The following TRDN variants were observed in gnomAD, a reference collection of about 807,000 sequenced individuals.
TRDN encodes the protein triadin, also known as triadin in skeletal muscle.
TRDN carries 161 observed loss-of-function variants against 149.7 expected under a neutral mutation model. That is an observed-to-expected ratio of 1.08 (90% CI 0.95 to 1.23). The LOEUF is 1.23. Ranked by LOEUF, TRDN falls within the 50% of genes most tolerant of loss-of-function variation. The pLI is 0.00. For synonymous variants in TRDN, 294 were observed against 250.5 expected (o/e 1.17, Z -1.64); for missense variants, 896 against 823.5 (o/e 1.09, Z -1.08).
At chr6:123,456,736 T>A in intron 10 of TRDN, 1 of 450,304 alleles carries the variant, frequency 2.2e-6, no homozygotes, top group South Asian at 1.6e-5. Flanking sequence ...CCCAAAGTGT[T>A]GGGGATTACA....
intron 2 of TRDN, among the ~76,000 whole-genome samples, chr6:123,551,417 C>A (rs1007445542): frequency 2.0e-5 from 3 of 151,034 alleles, no homozygotes; most frequent in African/African-American, 7.3e-5. Flanking sequence ...GATTCTTATT[C>A]TGTCTTTCAG....
At chr6:123,522,182 T>G (rs1779714871) in intron 5 of TRDN, among the ~76,000 whole-genome samples, 1 of 152,118 alleles carries the variant, frequency 6.6e-6, no homozygotes, top group South Asian at 2.1e-4. Context: ...CACCTGACAA[T>G]ACAGGTGGAT....
At chr6:123,496,491 AG>A in intron 9 of TRDN, among the ~76,000 whole-genome samples, 1 of 152,224 alleles carries the variant, frequency 6.6e-6, no homozygotes, top group South Asian at 2.1e-4. Context: ...TTCTTGGAAA[AG>A]TTTTCCCAAA....
intron 9 of TRDN, among the ~76,000 whole-genome samples, chr6:123,472,568 G>A (rs1444144808): frequency 6.6e-6 from 1 of 152,218 alleles, no homozygotes; most frequent in African/African-American, 2.4e-5. Context: ...CTCGAACTGG[G>A]TGGAGCCCAC....
At chr6:123,354,208 A>G (rs958733610) in intron 20 of TRDN, among the ~76,000 whole-genome samples, 5 of 151,830 alleles carry the variant, frequency 3.3e-5, no homozygotes, top group African/African-American at 1.2e-4. Flanking sequence ...GAAGCAATGA[A>G]TGTTTTAGAG....
chr6:123,548,450 G>T lies in TRDN; in HGVS notation c.391+4C>A. 2 of 1,546,368 alleles carry T rather than the reference G, an allele frequency of 1.3e-6. No individual in the cohort carries two copies. The highest frequency in any genetic ancestry group is 1.7e-6 in the Non-Finnish European group (2 of 1,148,338). ...AGTTAGATATATCTCTATGTTCTTT[G>T]TACCTTTATCAGTATCTTCGTCACC... is the stretch of plus-strand genomic sequence containing the variant. On this transcript the variant is annotated splice_donor_region_variant and intron_variant, in intron 3 of 40. Transcript: ENST00000334268.
chr6:123,417,114 A>G (rs1021937991), intron 12 of TRDN, among the ~76,000 whole-genome samples: 6 of 152,218 alleles, frequency 3.9e-5, no homozygotes, highest in Non-Finnish European at 8.8e-5. Flanking sequence ...CATTAAGTCT[A>G]TACAAATCAT....
chr6:123,283,907 T>A (rs1777696686), intron 24 of TRDN, among the ~76,000 whole-genome samples: 1 of 144,788 alleles, frequency 6.9e-6, no homozygotes, highest in Non-Finnish European at 1.5e-5. Context: ...GTCCTGGAAT[T>A]TTTTTTCATT....
intron 13 of TRDN, among the ~76,000 whole-genome samples, chr6:123,390,571 T>G (rs1247569656): frequency 6.6e-6 from 1 of 152,140 alleles, no homozygotes; most frequent in African/African-American, 2.4e-5. Context: ...GGCTTTTATT[T>G]ATTGCCAACT....
chr6:123,396,012 A>G (rs1198918762), intron 12 of TRDN, among the ~76,000 whole-genome samples: 4 of 152,194 alleles, frequency 2.6e-5, no homozygotes, highest in African/African-American at 4.8e-5. Flanking sequence ...TCATCCTTGA[A>G]ACTATTGAGG....
chr6:123,499,781 T>C (rs1369987998), intron 8 of TRDN, among the ~76,000 whole-genome samples: 2 of 139,624 alleles, frequency 1.4e-5, no homozygotes, highest in South Asian at 2.3e-4. Flanking sequence ...ACTGAACATA[T>C]ACAGACTTTT....
At chr6:123,495,727 T>G (rs1300658142) in intron 9 of TRDN, among the ~76,000 whole-genome samples, 15 of 152,044 alleles carry the variant, frequency 9.9e-5, no homozygotes, top group Admixed American at 9.8e-4. Flanking sequence ...GTTCTCTTCA[T>G]GTAGGGAACT....
chr6:123,536,564 C>T (rs1011629675), intron 4 of TRDN, among the ~76,000 whole-genome samples: 7 of 151,758 alleles, frequency 4.6e-5, no homozygotes, highest in Non-Finnish European at 1.0e-4. Flanking sequence ...TAAACTGCAA[C>T]GATTGGCCAG....
chr6:123,327,546 A>G (rs1432623951), intron 23 of TRDN, among the ~76,000 whole-genome samples: 1 of 152,148 alleles, frequency 6.6e-6, no homozygotes, highest in Non-Finnish European at 1.5e-5. Context: ...TGAAAATGTC[A>G]TCAATATTTA....
At chr6:123,404,730 C>T (rs1773125277) in intron 12 of TRDN, among the ~76,000 whole-genome samples, 1 of 152,212 alleles carries the variant, frequency 6.6e-6, no homozygotes, top group African/African-American at 2.4e-5. Context: ...CAGGCGTGAG[C>T]CACTGCGCCT....
intron 5 of TRDN, among the ~76,000 whole-genome samples, chr6:123,521,392 C>G (rs1414372277): frequency 2.0e-5 from 3 of 152,034 alleles, no homozygotes; most frequent in African/African-American, 7.2e-5. Context: ...AGGATATGCA[C>G]AGAGGGAATG....
At chr6:123,422,188 G>T (rs2114545265) in intron 12 of TRDN, among the ~76,000 whole-genome samples, 1 of 152,154 alleles carries the variant, frequency 6.6e-6, no homozygotes, top group South Asian at 2.1e-4. Context: ...AACATCCTTG[G>T]ATTTTGGTAT....
chr6:123,339,092 A>C (rs1443138998), intron 21 of TRDN, among the ~76,000 whole-genome samples: 1 of 151,838 alleles, frequency 6.6e-6, no homozygotes, highest in African/African-American at 2.4e-5. Flanking sequence ...GGCTCACTGA[A>C]ATCCCAGGTT....
chr6:123,568,650 G>A (rs897930923), intron 2 of TRDN, among the ~76,000 whole-genome samples: 5 of 152,190 alleles, frequency 3.3e-5, no homozygotes, highest in African/African-American at 9.6e-5. Flanking sequence ...TGGAGTGGGA[G>A]CCTGATCTGC....
Sources: allele counts gnomAD v4.1 joint callset (sites outside exome capture counted in the v4.1 genomes callset), GRCh38; gene constraint gnomAD v4.1.1; transcripts MANE v1.5; gene names NCBI Gene and HGNC (gene_info 2026-07-23, HGNC 2026-07-21).